GPBP1L1: variants seen among roughly 807,000 people sequenced by gnomAD.
GPBP1L1 encodes the protein vasculin-like protein 1.
GPBP1L1 carries 23 observed loss-of-function variants against 52.5 expected under a neutral mutation model. That is an observed-to-expected ratio of 0.44 (90% CI 0.32 to 0.62). The LOEUF is 0.62. Among genes scored for constraint, GPBP1L1 ranks in the 20% least tolerant of loss-of-function variants. GPBP1L1 has a pLI of 0.06. For synonymous variants in GPBP1L1, 243 were observed against 203.1 expected (o/e 1.20, Z -1.67); for missense variants, 596 against 579.3 (o/e 1.03, Z -0.30).
Position 45,642,510 on chromosome 1 carries a change from A to G in GPBP1L1, c.478-11T>C, listed in dbSNP as rs1262849594. ...TGGATTCAAGGAAGGCTAGGAAAAAAGGGATATGAATGGTTGATACAGAAA... is the reference window on the plus strand; with the variant it reads ...TGGATTCAAGGAAGGCTAGGAAAAAGGGGATATGAATGGTTGATACAGAAA... On this transcript the variant is annotated splice_polypyrimidine_tract_variant and intron_variant, in intron 6 of 12. Transcript: ENST00000355105. 6.2e-7 allele frequency: 1 copy of G among 1,609,476 alleles called. No homozygotes were observed. The highest frequency in any genetic ancestry group is 1.7e-4 in the Middle Eastern group (1 of 6,050).
chr1:45,667,202 T>C (rs1645021246), intron 2 of GPBP1L1, among the ~76,000 whole-genome samples: 1 of 152,186 alleles, frequency 6.6e-6, no homozygotes, highest in South Asian at 2.1e-4. Flanking sequence ...TCTTGTATTT[T>C]CCCATAACTA....
chr1:45,675,310 T>A (rs550069773), intron 2 of GPBP1L1, among the ~76,000 whole-genome samples: 296 of 151,526 alleles, frequency 2.0e-3, no homozygotes, highest in African/African-American at 6.8e-3. Flanking sequence ...AAAATAAAAA[T>A]AAATAAATAA....
chr1:45,651,821 C>T (rs374737606), intron 6 of GPBP1L1: 15 of 259,262 alleles, frequency 5.8e-5, no homozygotes, highest in Middle Eastern at 1.2e-3. Flanking sequence ...TCTTTCCTTT[C>T]GGCATCTTGG....
chr1:45,686,657 G>A (rs937802147), upstream of GPBP1L1: 7 of 152,232 alleles, frequency 4.6e-5, no homozygotes, highest in African/African-American at 7.2e-5. Context: ...GCATGCGCAA[G>A]GGACTGCTCC....
intron 2 of GPBP1L1, among the ~76,000 whole-genome samples, chr1:45,662,110 C>T (rs979661791): frequency 6.6e-6 from 1 of 152,110 alleles, no homozygotes; most frequent in Middle Eastern, 3.2e-3. Flanking sequence ...AAAATTTCTT[C>T]GGTAATTTCT....
intron 2 of GPBP1L1, among the ~76,000 whole-genome samples, chr1:45,677,385 T>G (rs554981690): frequency 2.0e-4 from 30 of 150,620 alleles, no homozygotes; most frequent in Non-Finnish European, 3.8e-4. Context: ...CATAGTGGTG[T>G]TGTAGTCCCA....
intron 4 of GPBP1L1, chr1:45,655,576 GA>G (rs1644875709): frequency 3.3e-6 from 1 of 298,702 alleles, no homozygotes; most frequent in Non-Finnish European, 6.1e-6. Context: ...TGCATGAAAG[GA>G]GGCGGAGGGG....
At chr1:45,632,487 A>G (rs1465962096) in intron 10 of GPBP1L1, among the ~76,000 whole-genome samples, 2 of 152,210 alleles carry the variant, frequency 1.3e-5, no homozygotes, top group Non-Finnish European at 2.9e-5. Flanking sequence ...AGGCTGAGAC[A>G]GGCAGAACAC....
In GPBP1L1 at chr1:45,627,954, C is replaced by T. The variant is rs1362278667; in HGVS notation, c.*302G>A. ...TTGCTGCAGACCAGTGTCTCCTCTT[C>T]CCTGCACTGCCAGCTCCTACCTGTG... On this transcript the variant is annotated 3_prime_UTR_variant, in exon 13 of 13. Coordinates refer to ENST00000355105, the MANE Select transcript of GPBP1L1 (RefSeq NM_021639.5). 3.2e-5 allele frequency: 8 copies of T among 248,498 alleles called. No individual in the cohort carries two copies. Among genetic ancestry groups the T allele is most frequent in the Non-Finnish European group, 5.4e-5 (7 of 128,646 alleles). 15.4% of individuals were successfully genotyped at this position (248,498 alleles called of 1,614,324 possible).
At chr1:45,656,646 A>G (rs916765591) in intron 4 of GPBP1L1, among the ~76,000 whole-genome samples, 1 of 151,904 alleles carries the variant, frequency 6.6e-6, no homozygotes, top group Non-Finnish European at 1.5e-5. Flanking sequence ...TTAGTCAAAA[A>G]TCAACAAAAT....
chr1:45,665,904 C>A (rs1645005041), intron 2 of GPBP1L1, among the ~76,000 whole-genome samples: 1 of 152,014 alleles, frequency 6.6e-6, no homozygotes, highest in Non-Finnish European at 1.5e-5. Context: ...TCTGCCTCAG[C>A]CTCTCCTACT....
intron 6 of GPBP1L1, among the ~76,000 whole-genome samples, chr1:45,646,983 C>T (rs1281189320): frequency 6.6e-6 from 1 of 151,554 alleles, no homozygotes; most frequent in Non-Finnish European, 1.5e-5. Flanking sequence ...TAATTTTTTA[C>T]CTATGTATTT....
chr1:45,647,164 G>T (rs1279088099), intron 6 of GPBP1L1, among the ~76,000 whole-genome samples: 8 of 112,788 alleles, frequency 7.1e-5, no homozygotes, highest in East Asian at 2.9e-4. Flanking sequence ...CAACTTCTTA[G>T]GATTTTTTTT....
chr1:45,647,555 C>T (rs958982852), intron 6 of GPBP1L1, among the ~76,000 whole-genome samples: 13 of 152,196 alleles, frequency 8.5e-5, no homozygotes, highest in Admixed American at 3.3e-4. Flanking sequence ...GGCATGTTAA[C>T]TTCTGCCAGC....
intron 2 of GPBP1L1, among the ~76,000 whole-genome samples, chr1:45,678,765 T>G (rs904697252): frequency 5.4e-4 from 82 of 152,350 alleles, no homozygotes; most frequent in African/African-American, 1.9e-3. Flanking sequence ...CTTGGATAGC[T>G]AGCTGTAATA....
chr1:45,683,537 A>G (rs72688483), intron 2 of GPBP1L1, among the ~76,000 whole-genome samples: 80,388 of 149,418 alleles, frequency 0.54, 21,753 homozygotes, highest in Middle Eastern at 0.6. Flanking sequence ...AGCTGGATGA[A>G]TCTCTGGACT....
At chr1:45,658,518 C>T (rs1381812583) in intron 4 of GPBP1L1, among the ~76,000 whole-genome samples, 1 of 152,164 alleles carries the variant, frequency 6.6e-6, no homozygotes, top group East Asian at 1.9e-4. Flanking sequence ...AGATACTTGG[C>T]AGTAATAAGG....
chr1:45,628,357 TG>T lies in GPBP1L1; in HGVS notation c.1323del (p.Ser442ValfsTer41). 1.2e-6 allele frequency: 2 copies of T among 1,614,130 alleles called. No homozygotes were observed. The highest frequency in any genetic ancestry group is 1.7e-6 in the Non-Finnish European group (2 of 1,180,022). On this transcript the variant is annotated frameshift_variant, in exon 13 of 13. Coordinates refer to ENST00000355105, the MANE Select transcript of GPBP1L1 (RefSeq NM_021639.5). LOFTEE classifies it high-confidence loss of function. ...GTGCTTCTCCAAGGGGAGAACAGACTGGAACTGCGGCTCTGCAAGAAGCCAT... is the reference window on the plus strand; with the variant it reads ...GTGCTTCTCCAAGGGGAGAACAGACTGAACTGCGGCTCTGCAAGAAGCCAT... ...GKNGFLQSRSSSLFSPWRSTC... is the reference protein window; with the variant it reads ...GKNGFLQSRSXSLFSPWRSTC...
chr1:45,628,662 T>TTTTA (rs1005399282), intron 12 of GPBP1L1, among the ~76,000 whole-genome samples: 4 of 152,102 alleles, frequency 2.6e-5, no homozygotes, highest in Non-Finnish European at 5.9e-5. Flanking sequence ...CCTTATTTCT[T>TTTTA]TTTATTTATT....
Sources: allele counts gnomAD v4.1 joint callset (sites outside exome capture counted in the v4.1 genomes callset), GRCh38; gene constraint gnomAD v4.1.1; transcripts MANE v1.5; gene names NCBI Gene and HGNC (gene_info 2026-07-23, HGNC 2026-07-21).